Variants in NDST4 observed in about 807,000 individuals in gnomAD.
NDST4 encodes the protein N-deacetylase and N-sulfotransferase 4.
NDST4 carries 63 observed loss-of-function variants against 100.8 expected under a neutral mutation model. That is an observed-to-expected ratio of 0.62 (90% CI 0.51 to 0.77). The LOEUF is 0.77. Ranked by LOEUF, NDST4 falls within the 30% of genes least tolerant of loss-of-function variation. The probability of loss-of-function intolerance (pLI) is 0.00; values close to 1 mark genes in which losing one functional copy is unlikely to be tolerated. For synonymous variants in NDST4, 377 were observed against 361.8 expected, an observed-to-expected ratio of 1.04 and a Z score of -0.48; for missense variants, 943 against 1,018.4, an observed-to-expected ratio of 0.93 and a Z score of 1.01.
intron 2 of NDST4, among the ~76,000 whole-genome samples, chr4:115,024,639 C>T (rs958615842): frequency 1.3e-5 from 2 of 152,214 alleles, no homozygotes; most frequent in East Asian, 3.9e-4. Flanking sequence ...TTGAGTCTCA[C>T]CCATTTCTGA....
intron 4 of NDST4, among the ~76,000 whole-genome samples, chr4:114,938,065 G>A (rs1725672166): frequency 6.6e-6 from 1 of 152,180 alleles, no homozygotes; most frequent in African/African-American, 2.4e-5. Context: ...AGAACCTAGT[G>A]ACAGCATGTT....
At chr4:115,015,434 T>C (rs536687265) in intron 2 of NDST4, among the ~76,000 whole-genome samples, 1 of 152,170 alleles carries the variant, frequency 6.6e-6, no homozygotes, top group African/African-American at 2.4e-5. Context: ...GTTCATTTTG[T>C]TTGGAAGGAG....
intron 2 of NDST4, among the ~76,000 whole-genome samples, chr4:114,993,484 A>T (rs1191121757): frequency 1.3e-5 from 2 of 151,996 alleles, no homozygotes; most frequent in Non-Finnish European, 2.9e-5. Context: ...CTCACTCAGC[A>T]TTAATTGCAG....
intron 6 of NDST4, among the ~76,000 whole-genome samples, chr4:114,922,779 G>T (rs1725314727): frequency 6.6e-6 from 1 of 152,178 alleles, no homozygotes; most frequent in African/African-American, 2.4e-5. Context: ...GACACATGCG[G>T]TTATGGCATA....
In NDST4 at chr4:114,896,483, G is replaced by C. The variant is rs142321949; in HGVS notation, c.1537-25533C>G. ...CTAAAAAATGCAAAAAATTAGCCGG[G>C]TGTGGTGTCGGCCGCCTGTAGTCCC... is the stretch of plus-strand genomic sequence containing the variant. On this transcript the variant is annotated intron_variant, in intron 6 of 13. Transcript: ENST00000264363. Among the ~76,000 whole-genome samples, 581 of 152,096 alleles carry C rather than the reference G, an allele frequency of 3.8e-3. 7 individuals carry two copies. The highest frequency in any genetic ancestry group is 0.013 in the African/African-American group (556 of 41,500).
chr4:114,834,970 T>G (rs894538021), intron 11 of NDST4, among the ~76,000 whole-genome samples: 3 of 152,206 alleles, frequency 2.0e-5, no homozygotes, highest in Non-Finnish European at 4.4e-5. Flanking sequence ...CTTTATCACT[T>G]TTGATTGTGT....
chr4:115,012,866 T>C (rs1175011137), intron 2 of NDST4, among the ~76,000 whole-genome samples: 1 of 152,010 alleles, frequency 6.6e-6, no homozygotes, highest in African/African-American at 2.4e-5. Context: ...GAGTATTATT[T>C]AGAAGTAAAA....
chr4:115,103,628 T>A (rs1358735149), intron 1 of NDST4, among the ~76,000 whole-genome samples: 2 of 152,202 alleles, frequency 1.3e-5, no homozygotes, highest in African/African-American at 4.8e-5. Context: ...TTATTCTTTA[T>A]CATAAGAGGC....
intron 6 of NDST4, among the ~76,000 whole-genome samples, chr4:114,927,300 C>T (rs1005261171): frequency 5.9e-5 from 9 of 151,630 alleles, no homozygotes; most frequent in Non-Finnish European, 8.9e-5. Flanking sequence ...ATAGAAATCA[C>T]GTATTCTTAG....
At chr4:114,934,470 C>G (rs1210951037) in intron 6 of NDST4, among the ~76,000 whole-genome samples, 1 of 151,362 alleles carries the variant, frequency 6.6e-6, no homozygotes, top group African/African-American at 2.4e-5. Flanking sequence ...AGGAGAATGG[C>G]GTGAACCCGG....
chr4:115,043,399 T>C (rs1441202150), intron 2 of NDST4, among the ~76,000 whole-genome samples: 2 of 152,090 alleles, frequency 1.3e-5, no homozygotes, highest in Non-Finnish European at 2.9e-5. Context: ...TCTCATATGT[T>C]TATCCAGCTC....
intron 6 of NDST4, among the ~76,000 whole-genome samples, chr4:114,887,766 C>G (rs913957817): frequency 6.6e-6 from 1 of 152,094 alleles, no homozygotes; most frequent in Non-Finnish European, 1.5e-5. Context: ...TGCAACTTAA[C>G]TTTTTCACCC....
intron 2 of NDST4, among the ~76,000 whole-genome samples, chr4:115,039,667 C>T (rs1401657158): frequency 1.1e-4 from 16 of 152,062 alleles, no homozygotes. Context: ...TCCCATGTCT[C>T]TCTATACGAC....
At chr4:114,957,179 G>A (rs1337037131) in intron 4 of NDST4, among the ~76,000 whole-genome samples, 1 of 152,158 alleles carries the variant, frequency 6.6e-6, no homozygotes, top group South Asian at 2.1e-4. Flanking sequence ...TCTTGTATTT[G>A]TCCATTTTTA....
intron 1 of NDST4, among the ~76,000 whole-genome samples, chr4:115,087,482 C>T (rs1384365397): frequency 3.3e-5 from 5 of 151,608 alleles, no homozygotes; most frequent in African/African-American, 1.2e-4. Flanking sequence ...TTCCTATTTC[C>T]CCTTCTTCTC....
intron 6 of NDST4, among the ~76,000 whole-genome samples, chr4:114,873,380 T>C (rs1425113449): frequency 6.6e-6 from 1 of 151,782 alleles, no homozygotes; most frequent in Non-Finnish European, 1.5e-5. Flanking sequence ...TTGAGATTCA[T>C]ATGGAATCTC....
At chr4:115,050,169 T>G (rs1728553691) in intron 2 of NDST4, among the ~76,000 whole-genome samples, 1 of 152,184 alleles carries the variant, frequency 6.6e-6, no homozygotes, top group Non-Finnish European at 1.5e-5. Flanking sequence ...TCTCAAAGTT[T>G]TATTCTTGTG....
intron 2 of NDST4, among the ~76,000 whole-genome samples, chr4:115,019,791 A>G (rs10026970): frequency 0.085 from 12,911 of 152,012 alleles, 1,796 homozygotes; most frequent in African/African-American, 0.29. Flanking sequence ...TATTGGGGGA[A>G]TGAGTTGCAG....
intron 2 of NDST4, among the ~76,000 whole-genome samples, chr4:115,045,281 T>C (rs1728441106): frequency 6.6e-6 from 1 of 152,058 alleles, no homozygotes. Flanking sequence ...CAAGCCAATC[T>C]TTATATAGGT....
Sources: allele counts gnomAD v4.1 joint callset (sites outside exome capture counted in the v4.1 genomes callset), GRCh38; gene constraint gnomAD v4.1.1; transcripts MANE v1.5; gene names NCBI Gene and HGNC (gene_info 2026-07-23, HGNC 2026-07-21).